The following RANBP2 variants were observed in gnomAD, a reference collection of about 807,000 sequenced individuals.
RANBP2 encodes E3 SUMO-protein ligase RanBP2.
Under a neutral mutation model 303.6 loss-of-function variants are expected in RANBP2, and 57 were observed. The ratio of observed to expected loss-of-function variants is 0.19; its 90% CI spans 0.15 to 0.23. The LOEUF is 0.23. RANBP2 is among the 10% of genes least tolerant of loss of function. RANBP2 has a pLI of 1.00. For missense variants in RANBP2, 3,138 were observed against 3,780.8 expected, an observed-to-expected ratio of 0.83 and a Z score of 4.46; for synonymous variants, 1,167 against 1,301.5, an observed-to-expected ratio of 0.90 and a Z score of 2.23.
the RANBP2 span, among the ~76,000 whole-genome samples, chr2:109,681,667 T>A: frequency 6.6e-6 from 1 of 152,158 alleles, no homozygotes. Flanking sequence ...GGCAGGGCCC[T>A]GGGTGGTCTC....
At chr2:109,606,535 C>G in the RANBP2 span, among the ~76,000 whole-genome samples, 1 of 152,048 alleles carries the variant, frequency 6.6e-6, no homozygotes, top group Non-Finnish European at 1.5e-5. Context: ...CCATAAAGGA[C>G]AAGTCCACAG....
At chr2:108,922,206 T>C in the RANBP2 span, among the ~76,000 whole-genome samples, 9 of 152,296 alleles carry the variant, frequency 5.9e-5, no homozygotes, top group East Asian at 1.7e-3. Flanking sequence ...GATGCTTTTG[T>C]GAATAGGTGG....
chr2:109,325,323 CT>C, the RANBP2 span, among the ~76,000 whole-genome samples: 75 of 119,202 alleles, frequency 6.3e-4, no homozygotes, highest in Non-Finnish European at 1.2e-3. Context: ...TTCTTTCTTT[CT>C]TTCTTTCTTT....
chr2:109,702,969 T>C, the RANBP2 span, among the ~76,000 whole-genome samples: 3 of 152,124 alleles, frequency 2.0e-5, no homozygotes, highest in African/African-American at 7.2e-5. Context: ...AACCTCATAA[T>C]AGCATGATAA....
the RANBP2 span, among the ~76,000 whole-genome samples, chr2:108,903,114 T>C: frequency 6.6e-6 from 1 of 152,326 alleles, no homozygotes; most frequent in Non-Finnish European, 1.5e-5. Flanking sequence ...AATGAATGTA[T>C]GGCTACTGAA....
In RANBP2 at chr2:108,736,225, A is replaced by G. The variant is rs1455126484; in HGVS notation, c.758A>G (p.Gln253Arg). The change falls in exon 6 of 29, where the codon CAG (glutamine) becomes CGG (arginine). Residue 253 changes from glutamine to arginine, a missense_variant. Transcript: ENST00000283195. The stretch of plus-strand genomic sequence containing the variant: ...CTTACGCTTTCCACTAGAGATGTGC[A>G]GGAAAGTAGAGAATTACTGCAAAGG... ...MLLTLSTRDV[Q>R]ESRELLQSFD... The G allele has an allele frequency of 1.9e-6, 3 of 1,611,998 alleles. No homozygotes were observed. The highest frequency in any genetic ancestry group is 1.7e-6 in the Non-Finnish European group (2 of 1,179,844).
chr2:109,674,782 C>T, the RANBP2 span, among the ~76,000 whole-genome samples: 201 of 152,132 alleles, frequency 1.3e-3, 1 homozygote, highest in South Asian at 4.2e-3. Context: ...CTCCTCAGCC[C>T]CCTGAGTTTG....
At chr2:109,711,533 A>G in the RANBP2 span, among the ~76,000 whole-genome samples, 1 of 152,148 alleles carries the variant, frequency 6.6e-6, no homozygotes, top group Admixed American at 6.5e-5. Context: ...ATCCTTGCCT[A>G]CACGGTTCTG....
At chr2:109,333,078 A>C in the RANBP2 span, among the ~76,000 whole-genome samples, 1 of 152,230 alleles carries the variant, frequency 6.6e-6, no homozygotes, top group African/African-American at 2.4e-5. Context: ...GGTGCCCTGC[A>C]GCTCCAGTGC....
the RANBP2 span, among the ~76,000 whole-genome samples, chr2:109,612,696 G>A: frequency 3.3e-5 from 5 of 152,102 alleles, no homozygotes; most frequent in African/African-American, 1.2e-4. Flanking sequence ...TCCTCACCAG[G>A]ACCCCTCAAT....
chr2:109,490,099 T>C, the RANBP2 span, among the ~76,000 whole-genome samples: 1 of 152,238 alleles, frequency 6.6e-6, no homozygotes, highest in African/African-American at 2.4e-5. Flanking sequence ...AGGTTATCTT[T>C]AAAGTTTCCT....
At chr2:108,843,772 T>G in the RANBP2 span, among the ~76,000 whole-genome samples, 1 of 152,066 alleles carries the variant, frequency 6.6e-6, no homozygotes, top group African/African-American at 2.4e-5. Flanking sequence ...TTTGTTTAGT[T>G]TCTTCAGTCT....
At chr2:109,020,967 C>T in the RANBP2 span, among the ~76,000 whole-genome samples, 1 of 152,244 alleles carries the variant, frequency 6.6e-6, no homozygotes, top group South Asian at 2.1e-4. Flanking sequence ...GCAGGCACAC[C>T]CAGGCGACTC....
the RANBP2 span, among the ~76,000 whole-genome samples, chr2:109,471,680 C>T: frequency 2.0e-5 from 3 of 152,092 alleles, no homozygotes; most frequent in African/African-American, 4.8e-5. Context: ...CATGCTGGGG[C>T]GGGGTCTAAG....
chr2:108,854,648 C>G, the RANBP2 span, among the ~76,000 whole-genome samples: 1 of 152,136 alleles, frequency 6.6e-6, no homozygotes, highest in South Asian at 2.1e-4. Flanking sequence ...TATTTACCAG[C>G]TCACAATTCT....
downstream of RANBP2, chr2:108,786,869 A>T (rs1311266862): frequency 2.5e-6 from 4 of 1,583,848 alleles, 1 homozygote; most frequent in South Asian, 3.4e-5. Flanking sequence ...TTAGTAGTGG[A>T]GAGTCTCAAA....
At chr2:108,913,776 C>T in the RANBP2 span, among the ~76,000 whole-genome samples, 1 of 151,852 alleles carries the variant, frequency 6.6e-6, no homozygotes, top group African/African-American at 2.4e-5. Context: ...CAGGGAAACC[C>T]CGTCTCTACT....
the RANBP2 span, among the ~76,000 whole-genome samples, chr2:109,186,797 A>G: frequency 6.6e-6 from 1 of 152,184 alleles, no homozygotes. Flanking sequence ...TCACTGCCTT[A>G]GGTTCCACCT....
the RANBP2 span, among the ~76,000 whole-genome samples, chr2:109,163,862 C>G: frequency 6.6e-6 from 1 of 152,172 alleles, no homozygotes; most frequent in East Asian, 1.9e-4. Context: ...CTATTACCAA[C>G]TATTTGTGGT....
Sources: allele counts gnomAD v4.1 joint callset (sites outside exome capture counted in the v4.1 genomes callset), GRCh38; gene constraint gnomAD v4.1.1; transcripts MANE v1.5; gene names NCBI Gene and HGNC (gene_info 2026-07-23, HGNC 2026-07-21).